Variants in ARID5B observed in about 807,000 individuals in gnomAD.
The protein encoded by ARID5B is AT-rich interactive domain-containing protein 5B.
In ARID5B, 13 loss-of-function variants were observed where a neutral mutation model predicts 97.2. That is an observed-to-expected ratio of 0.13 (90% CI 0.09 to 0.21). ARID5B has a LOEUF of 0.21. ARID5B is among the 10% of genes least tolerant of loss of function. The pLI, the probability that ARID5B is intolerant of heterozygous loss-of-function variation, is 1.00. For synonymous variants in ARID5B, 556 were observed against 570.3 expected (o/e 0.97, Z 0.36); for missense variants, 1,210 against 1,465.3 (o/e 0.83, Z 2.84).
At chr10:61,929,695 G>A (rs886193827) in intron 2 of ARID5B, among the ~76,000 whole-genome samples, 18 of 152,184 alleles carry the variant, frequency 1.2e-4, no homozygotes, top group African/African-American at 2.9e-4. Flanking sequence ...ATGGTCCAAA[G>A]CTACACTTAT....
At position 61,991,233 on chromosome 10, in the gene ARID5B, C is replaced by T. The variant is rs1461135035; in HGVS notation, c.503-8858C>T. On this transcript the variant is annotated intron_variant, in intron 3 of 9. Coordinates refer to ENST00000279873, the MANE Select transcript of ARID5B (RefSeq NM_032199.3). ...TATATACCTAGGAGTGGAATTATCACATGGCAATTCTGTATATAAATTTTT... is the reference window on the plus strand; with the variant it reads ...TATATACCTAGGAGTGGAATTATCATATGGCAATTCTGTATATAAATTTTT... 2.0e-5 allele frequency among the ~76,000 whole-genome samples: 3 copies of T among 152,194 alleles called. No homozygotes were observed. In the East Asian group the frequency reaches 5.8e-4, roughly 29 times the overall value.
intron 2 of ARID5B, among the ~76,000 whole-genome samples, chr10:61,932,507 C>G (rs977975571): frequency 1.3e-5 from 2 of 151,290 alleles, no homozygotes; most frequent in Non-Finnish European, 2.9e-5. Context: ...ACTTCCCAGG[C>G]TCAAGTGATC....
chr10:62,090,403 A>G (rs1177181773), intron 9 of ARID5B, among the ~76,000 whole-genome samples: 3 of 152,246 alleles, frequency 2.0e-5, no homozygotes, highest in African/African-American at 4.8e-5. Flanking sequence ...GGGAGTTGCA[A>G]TAGGTTTGTT....
rs1164342402 is a variant in ARID5B at position 61,983,867 on chromosome 10, C to CTTTTTTTTTTTTTTTTTTT, written c.503-16211_503-16193dup. On this transcript the variant is annotated intron_variant, in intron 3 of 9. Transcript: ENST00000279873. ...TATATTTTTTAAACCCCCTTTTGTTCTTTTTTTTTTTTTTTTTTTTTTTTT... is the reference window on the plus strand; with the variant it reads ...TATATTTTTTAAACCCCCTTTTGTTCTTTTTTTTTTTTTTTTTTTTTTTTTTTTTTTTTTTTTTTTTTTT... Among the ~76,000 whole-genome samples the CTTTTTTTTTTTTTTTTTTT allele has an allele frequency of 1.8e-4, 5 of 27,590 alleles. 2 individuals are homozygous for CTTTTTTTTTTTTTTTTTTT. Among genetic ancestry groups the CTTTTTTTTTTTTTTTTTTT allele is most frequent in the African/African-American group, 7.9e-4 (5 of 6,322 alleles). The allele number at this position is 27,590 out of a possible 152,430, so 18.1% of individuals were successfully genotyped here. A position where few individuals can be genotyped will look rare whatever the true frequency, so the allele number is the denominator to read the frequency against.
intron 3 of ARID5B, among the ~76,000 whole-genome samples, chr10:61,960,868 C>G (rs1838460950): frequency 6.6e-6 from 1 of 152,248 alleles, no homozygotes; most frequent in Admixed American, 6.5e-5. Context: ...GTCTGGCAGA[C>G]ATAGACTAGC....
chr10:62,091,006 G>C lies in ARID5B; in HGVS notation c.1543G>C (p.Glu515Gln). Residue 515 changes from glutamate (E) to glutamine (Q), a missense_variant, in exon 10 of 10, where the codon GAG becomes CAG. Glu to Gln is a conservative substitution (Grantham distance 29). This residue lies in a region of ARID5B where 800 missense variants were observed against 839.1 expected (regional missense o/e 0.95). Coordinates refer to ENST00000279873, the MANE Select transcript of ARID5B (RefSeq NM_032199.3). ...AKPLASRVDP[E>Q]KDNETDQGSN... Reference sequence around the variant, plus strand: ...GCCCCTGGCATCCAGAGTAGACCCAGAGAAGGACAACGAAACAGACCAAGG... The same window carrying C: ...GCCCCTGGCATCCAGAGTAGACCCACAGAAGGACAACGAAACAGACCAAGG... 1 of 1,614,176 alleles carries C rather than the reference G, an allele frequency of 6.2e-7. No individual in the cohort carries two copies. The highest frequency in any genetic ancestry group is 8.5e-7 in the Non-Finnish European group (1 of 1,180,022).
At chr10:61,962,699 A>G (rs1338574599) in intron 3 of ARID5B, among the ~76,000 whole-genome samples, 4 of 152,284 alleles carry the variant, frequency 2.6e-5, no homozygotes, top group Non-Finnish European at 4.4e-5. Flanking sequence ...AATCATTAAA[A>G]GAATAGAGGC....
At chr10:62,062,604 G>A (rs1300316910) in intron 7 of ARID5B, among the ~76,000 whole-genome samples, 1 of 152,086 alleles carries the variant, frequency 6.6e-6, no homozygotes, top group African/African-American at 2.4e-5. Flanking sequence ...CAGAAACAGG[G>A]TAGAATACTC....
intron 8 of ARID5B, among the ~76,000 whole-genome samples, chr10:62,072,750 C>T (rs1840081076): frequency 6.6e-6 from 1 of 152,258 alleles, no homozygotes; most frequent in South Asian, 2.1e-4. Flanking sequence ...TTATTTACAA[C>T]AGTGCCTCTC....
At chr10:61,965,283 A>G (rs1838528894) in intron 3 of ARID5B, among the ~76,000 whole-genome samples, 1 of 152,212 alleles carries the variant, frequency 6.6e-6, no homozygotes, top group South Asian at 2.1e-4. Context: ...TCTCCTTTGA[A>G]TATCCCTCTT....
chr10:62,017,680 G>T (rs953930093), intron 4 of ARID5B, among the ~76,000 whole-genome samples: 3 of 152,132 alleles, frequency 2.0e-5, no homozygotes, highest in African/African-American at 7.2e-5. Flanking sequence ...ATGCTCTACA[G>T]CATCTGAATA....
chr10:62,041,119 C>T (rs1003406030), intron 4 of ARID5B, among the ~76,000 whole-genome samples: 4 of 152,190 alleles, frequency 2.6e-5, no homozygotes, highest in African/African-American at 9.7e-5. Context: ...GCTGCCTCTC[C>T]ACGCCCACTC....
chr10:62,040,305 AGCT>A (rs1302295299), intron 4 of ARID5B, among the ~76,000 whole-genome samples: 8 of 151,814 alleles, frequency 5.3e-5, no homozygotes, highest in South Asian at 4.2e-4. Context: ...GGGAGACCTC[AGCT>A]TAAGAAAAAT....
chr10:62,092,183 A>C lies in ARID5B; in HGVS notation c.2720A>C (p.Asp907Ala). 1 of 1,610,348 alleles carries C rather than the reference A, an allele frequency of 6.2e-7. No homozygotes were observed. ...AEAPTDDQPT[D>A]LSLPKNPHKP... ...GCCCCTACGGATGATCAGCCTACAG[A>C]TCTGAGCCTTCCCAAGAACCCGCAC... Residue 907 changes from aspartate to alanine, a missense_variant, in exon 10 of 10, where the codon GAT becomes GCT. By Grantham distance (126) the Asp-to-Ala change is moderately radical. This residue lies in a region of ARID5B where 800 missense variants were observed against 839.1 expected (regional missense o/e 0.95). Transcript: ENST00000279873.
chr10:61,994,200 G>A (rs1838966000), intron 3 of ARID5B, among the ~76,000 whole-genome samples: 1 of 152,104 alleles, frequency 6.6e-6, no homozygotes, highest in South Asian at 2.1e-4. Context: ...GAAGGAACAT[G>A]CATATTTTTT....
At chr10:61,987,623 C>A (rs913675211) in intron 3 of ARID5B, among the ~76,000 whole-genome samples, 1 of 152,196 alleles carries the variant, frequency 6.6e-6, no homozygotes, top group African/African-American at 2.4e-5. Context: ...ATGCACCACT[C>A]TATAATCACA....
Position 61,940,408 on chromosome 10 carries a change from G to A in ARID5B, c.502G>A (p.Gly168Arg), listed in dbSNP as rs1337944296. ...KDVLKEKADL[G>R]EDEEETNVIV... ...CGTTCTCAAGGAGAAGGCAGACCTG[G>A]GTAAATATGACTTGTAATTTTAAAT... Residue 168 changes from glycine to arginine, a missense_variant and splice_region_variant, in exon 3 of 10, where the codon GGG (glycine) becomes AGG (arginine). Gly to Arg is a moderately radical substitution (Grantham distance 125, BLOSUM62 -2). Coordinates refer to ENST00000279873, the MANE Select transcript of ARID5B (RefSeq NM_032199.3). 1 of 1,610,524 alleles carries A rather than the reference G, an allele frequency of 6.2e-7. No homozygotes were observed. The highest frequency in any genetic ancestry group is 8.5e-7 in the Non-Finnish European group (1 of 1,178,094).
intron 4 of ARID5B, among the ~76,000 whole-genome samples, chr10:62,019,415 G>A (rs900039092): frequency 2.6e-5 from 4 of 152,214 alleles, no homozygotes; most frequent in Admixed American, 6.5e-5. Flanking sequence ...AGAACATGGC[G>A]TTTTTGTTGT....
At chr10:62,045,480 T>G (rs975340240) in intron 4 of ARID5B, among the ~76,000 whole-genome samples, 1 of 149,684 alleles carries the variant, frequency 6.7e-6, no homozygotes, top group Non-Finnish European at 1.5e-5. Flanking sequence ...GAAGTCTTGC[T>G]CTGTTGCCTG....
Sources: gnomAD v4.1 joint callset for allele counts (sites outside exome capture counted in the v4.1 genomes callset) on GRCh38, gnomAD v4.1.1 for gene constraint, gnomAD v4.1.1 regional missense constraint, MANE v1.5 for transcripts, NCBI Gene and HGNC (gene_info 2026-07-23, HGNC 2026-07-21) for gene names.